Variants in ENO1 observed in about 807,000 individuals in gnomAD.
ENO1 encodes enolase 1.
A neutral mutation model predicts 46.3 loss-of-function variants in ENO1; 33 were observed. That is an observed-to-expected ratio of 0.71 (90% CI 0.54 to 0.95). The LOEUF (loss-of-function observed/expected upper bound fraction) is 0.95, where lower values mean the gene tolerates loss of function less well. ENO1 is among the 40% of genes least tolerant of loss of function. The pLI is 0.00. For missense variants in ENO1, 488 were observed against 553.3 expected (o/e 0.88, Z 1.18); for synonymous variants, 220 against 216.0 (o/e 1.02, Z -0.16).
intron 11 of ENO1, among the ~76,000 whole-genome samples, chr1:8,862,619 G>C (rs1428410027): frequency 6.6e-6 from 1 of 152,180 alleles, no homozygotes; most frequent in Non-Finnish European, 1.5e-5. Flanking sequence ...AGCTGTCAAA[G>C]GGGGTCCCAT....
intron 7 of ENO1, 23 bp from the exon 8 acceptor site, chr1:8,865,505 G>A (rs945896306): frequency 1.2e-6 from 2 of 1,611,312 alleles, no homozygotes; most frequent in Non-Finnish European, 1.7e-6. Flanking sequence ...GGTGACAACA[G>A]GTTTGGAAAA....
At chr1:8,876,789 C>CCGT (rs1642741884) in intron 1 of ENO1, among the ~76,000 whole-genome samples, 1 of 150,580 alleles carries the variant, frequency 6.6e-6, no homozygotes, top group East Asian at 1.9e-4. Flanking sequence ...CAGAGAGACT[C>CCGT]CGTCTCAGAA....
intron 2 of ENO1, among the ~76,000 whole-genome samples, chr1:8,873,530 T>C (rs2124099986): frequency 6.6e-6 from 1 of 152,354 alleles, no homozygotes; most frequent in Non-Finnish European, 1.5e-5. Flanking sequence ...GTTCCACCCA[T>C]TGACTAAGCA....
At position 8,867,346 on chromosome 1, in the gene ENO1, C is replaced by T. The variant is rs556055143; in HGVS notation, c.311-96G>A. The T allele has an allele frequency of 5.4e-6, 8 of 1,493,376 alleles. No individual in the cohort carries two copies. The Admixed American group carries it at 1.6e-4, about 30-fold the overall frequency. The allele number at this position is 1,493,376 out of a possible 1,614,324, so 92.5% of individuals were successfully genotyped here. The stretch of plus-strand genomic sequence containing the variant: ...CTGAGGGTTGTATTCTGCACCATCT[C>T]CTCCCCCATCACACCTCCATTTCAC... On this transcript the variant is annotated intron_variant, in intron 5 of 11. Coordinates refer to ENST00000234590, the MANE Select transcript of ENO1 (RefSeq NM_001428.5).
chr1:8,865,148 A>G, intron 8 of ENO1, 137 bp downstream of exon 8: 1 of 1,054,532 alleles, frequency 9.5e-7, no homozygotes, highest in Non-Finnish European at 1.4e-6. Flanking sequence ...CCAGTGGTGA[A>G]TCCCCTACGG....
At chr1:8,875,399 A>AC (rs907020532) in intron 1 of ENO1, among the ~76,000 whole-genome samples, 10 of 152,124 alleles carry the variant, frequency 6.6e-5, no homozygotes, top group African/African-American at 2.4e-4. Context: ...TGCTCGACGC[A>AC]GAGTGGCCCA....
At chr1:8,876,523 T>C (rs1045260565) in intron 1 of ENO1, among the ~76,000 whole-genome samples, 2 of 152,222 alleles carry the variant, frequency 1.3e-5, no homozygotes, top group African/African-American at 4.8e-5. Flanking sequence ...TGGTATACTT[T>C]GAGTATTTCA....
intron 8 of ENO1, among the ~76,000 whole-genome samples, chr1:8,864,797 T>C (rs1428055094): frequency 1.3e-5 from 2 of 152,224 alleles, no homozygotes; most frequent in Non-Finnish European, 2.9e-5. Context: ...TCAGATTTCC[T>C]GGTCTGAATT....
intron 8 of ENO1, 118 bp from the exon 9 acceptor site, chr1:8,864,210 A>T: frequency 8.8e-7 from 1 of 1,133,496 alleles, no homozygotes; most frequent in Non-Finnish European, 1.3e-6. Flanking sequence ...GCCCAAAAGC[A>T]TAGGATGGGG....
chr1:8,864,508 T>C (rs1642470604), intron 8 of ENO1, among the ~76,000 whole-genome samples: 1 of 152,190 alleles, frequency 6.6e-6, no homozygotes, highest in Non-Finnish European at 1.5e-5. Flanking sequence ...AGTCTTGCTA[T>C]GTTCCCTAGG....
At chr1:8,870,729 A>ACAG in intron 3 of ENO1, 1 of 1,428,744 alleles carries the variant, frequency 7.0e-7, no homozygotes, top group Non-Finnish European at 9.1e-7. Flanking sequence ...GCCACACAAA[A>ACAG]CAGCAGCTGG....
At position 8,861,302 on chromosome 1, in the gene ENO1, C is replaced by T; in HGVS notation, c.*58G>A. 6.3e-7 allele frequency: 1 copy of T among 1,586,718 alleles called. No homozygotes were observed. The highest frequency in any genetic ancestry group is 8.6e-7 in the Non-Finnish European group (1 of 1,157,278). ...GGGGGCCTCGAGCTGCCTGAGCTGA[C>T]ACGAGGGGAGGGGTCTGTGTAGCCA... On this transcript the variant is annotated 3_prime_UTR_variant, in exon 12 of 12. Transcript: ENST00000234590.
Position 8,868,029 on chromosome 1 carries a change from A to C in ENO1, c.269T>G (p.Ile90Ser). The C allele has an allele frequency of 6.2e-7, 1 of 1,614,072 alleles. No individual in the cohort carries two copies. Among genetic ancestry groups the C allele is most frequent in the Non-Finnish European group, 8.5e-7 (1 of 1,179,988 alleles). The change falls in exon 5 of 12, where the codon ATT becomes AGT. Residue 90 changes from isoleucine to serine, a missense_variant. Physicochemically the swap from Ile to Ser is moderately radical, Grantham distance 142 (BLOSUM62 -2). Transcript: ENST00000234590. The stretch of plus-strand genomic sequence containing the variant: ...ATCCATCTCGATCATCAGTTTGTCA[A>C]TCTTCTCTTGTTCTGTGACGTTCAG... ...KKLNVTEQEK[I>S]DKLMIEMDGT...
chr1:8,866,092 AAG>A (rs1642507648), intron 7 of ENO1, 185 bp downstream of exon 7: 2 of 551,850 alleles, frequency 3.6e-6, no homozygotes, highest in Non-Finnish European at 6.2e-6. Flanking sequence ...AAAAAAAAAA[AAG>A]AAAAAAATAA....
intron 10 of ENO1, 77 bp downstream of exon 10, chr1:8,863,158 G>A (rs1374790230): frequency 6.5e-7 from 1 of 1,535,096 alleles, no homozygotes; most frequent in Non-Finnish European, 8.9e-7. Context: ...AACGGGGACA[G>A]ACATGGAGCC....
chr1:8,866,221 A>C, intron 7 of ENO1, 58 bp downstream of exon 7: 1 of 1,497,840 alleles, frequency 6.7e-7, no homozygotes. Context: ...ACGACCCCCC[A>C]ACAGAGGGAG....
intron 2 of ENO1, among the ~76,000 whole-genome samples, chr1:8,874,161 T>C (rs889563441): frequency 1.3e-5 from 2 of 152,156 alleles, no homozygotes; most frequent in Admixed American, 1.3e-4. Context: ...CTGCATTTGG[T>C]CACAGCAAGC....
chr1:8,870,130 C>T (rs1642599850), intron 4 of ENO1: 8 of 342,184 alleles, frequency 2.3e-5, no homozygotes, highest in Non-Finnish European at 4.3e-5. Context: ...TCACCATGGA[C>T]ACTACCACAA....
rs756920165 is a variant in ENO1, at chr1:8,865,247, G to A, written c.865+38C>T. 9 of 1,607,434 alleles carry A rather than the reference G, an allele frequency of 5.6e-6. No homozygotes were observed. The Middle Eastern group carries it at 5.0e-4, about 89-fold the overall frequency. On this transcript the variant is annotated intron_variant, in intron 8 of 11. Coordinates refer to ENST00000234590, the MANE Select transcript of ENO1 (RefSeq NM_001428.5). ...GCTCCAGCTGCCCTGCTGCAGGTCA[G>A]TGGCAGGAAAGGGAGATGGCACTCG...
Sources: allele counts gnomAD v4.1 joint callset (sites outside exome capture counted in the v4.1 genomes callset), GRCh38; gene constraint gnomAD v4.1.1; transcripts MANE v1.5; gene names NCBI Gene and HGNC (gene_info 2026-07-23, HGNC 2026-07-21).